RAI1: variants seen among roughly 807,000 people sequenced by gnomAD.
RAI1 encodes the protein retinoic acid induced 1, also known as retinoic acid-induced protein 1.
In RAI1, 9 loss-of-function variants were observed where a neutral mutation model predicts 123.8. The observed-to-expected ratio is 0.07, with a 90% CI of 0.04 to 0.13. The LOEUF (loss-of-function observed/expected upper bound fraction) is 0.13. Ranked by LOEUF, RAI1 falls within the 10% of genes least tolerant of loss-of-function variation. RAI1 has a pLI of 1.00. For synonymous variants in RAI1, 1,231 were observed against 1,127.3 expected (o/e 1.09, Z -1.84); for missense variants, 2,256 against 2,545.8 (o/e 0.89, Z 2.45).
At chr17:17,720,076 CAGTG>C (rs1915830895) in intron 1 of RAI1, among the ~76,000 whole-genome samples, 1 of 152,158 alleles carries the variant, frequency 6.6e-6, no homozygotes, top group Non-Finnish European at 1.5e-5. Flanking sequence ...GGTGGCCTGT[CAGTG>C]AGCCTTGTCC....
In RAI1 at chr17:17,686,157, C is replaced by T. The variant is rs755641430; in HGVS notation, c.-149+4364C>T. ...CAAGGGCGAGGCCTAGAACACAGGA[C>T]GCTCAGAAATGCTTCCTGGCAGGAG... On this transcript the variant is annotated intron_variant, in intron 1 of 5. Coordinates refer to ENST00000353383, the MANE Select transcript of RAI1 (RefSeq NM_030665.4). Among the ~76,000 whole-genome samples, 14 of 152,354 alleles carry T rather than the reference C, an allele frequency of 9.2e-5. 1 individual carries two copies. The highest frequency in any genetic ancestry group is 2.0e-4 in the Admixed American group (3 of 15,304).
rs752235142 is a variant in RAI1 at position 17,801,942 on chromosome 17, C to T, written c.5566-1814C>T. On this transcript the variant is annotated intron_variant, in intron 3 of 5. Transcript: ENST00000353383. The surrounding 1 kb of genome is among the most constrained non-coding windows in gnomAD (Gnocchi z 4.1). ...GCATGAGGCTTCCAGCCATGCCTGG[C>T]ACATAGGAAGCTATTGTCGTTTGTT... is the stretch of plus-strand genomic sequence containing the variant. 162 of 403,936 alleles carry T rather than the reference C, an allele frequency of 4.0e-4. No homozygotes were observed. Among genetic ancestry groups the T allele is most frequent in the Non-Finnish European group, 7.3e-4 (146 of 199,274 alleles). The allele number at this position is 403,936 out of a possible 1,614,324, so 25.0% of individuals were successfully genotyped here. A position where few individuals can be genotyped will look rare whatever the true frequency, so the allele number is the denominator to read the frequency against.
chr17:17,810,630 G>T lies in RAI1; in HGVS notation c.*649G>T, dbSNP rs1384263130. The T allele has an allele frequency of 9.0e-6, 3 of 331,942 alleles. No individual in the cohort carries two copies. The highest frequency in any genetic ancestry group is 6.5e-5 in the South Asian group (3 of 46,190). The allele number at this position is 331,942 out of a possible 1,614,324, so 20.6% of individuals were successfully genotyped here. A position where few individuals can be genotyped will look rare whatever the true frequency, so the allele number is the denominator to read the frequency against. Reference sequence around the variant, plus strand: ...TTGCCAGATCTCTCGTGCGGTTCGGGCAAAGCCGGGGTAGACCTGGGCTAT... The same window carrying T: ...TTGCCAGATCTCTCGTGCGGTTCGGTCAAAGCCGGGGTAGACCTGGGCTAT... On this transcript the variant is annotated 3_prime_UTR_variant, in exon 6 of 6. Transcript: ENST00000353383. This position sits in a 1 kb window ranked among gnomAD's most constrained non-coding sequence, Gnocchi z 4.6.
At chr17:17,740,418 C>A (rs1320185930) in intron 2 of RAI1, among the ~76,000 whole-genome samples, 1 of 152,246 alleles carries the variant, frequency 6.6e-6, no homozygotes, top group Non-Finnish European at 1.5e-5. Context: ...TGGGGGTCAC[C>A]CATCTCTTCT....
intron 1 of RAI1, among the ~76,000 whole-genome samples, chr17:17,722,152 AGTG>A (rs1461377844): frequency 2.0e-5 from 3 of 152,240 alleles, no homozygotes; most frequent in Non-Finnish European, 4.4e-5. Flanking sequence ...AGCGGGAGAA[AGTG>A]GTGGGACGAG....
At chr17:17,775,648 T>C (rs1244952164) in intron 2 of RAI1, among the ~76,000 whole-genome samples, 1 of 152,172 alleles carries the variant, frequency 6.6e-6, no homozygotes, top group Non-Finnish European at 1.5e-5. Context: ...ATCTATTTAC[T>C]AGTCATGAAG....
chr17:17,809,854 C>T lies in RAI1; in HGVS notation c.5710-116C>T. The T allele has an allele frequency of 1.4e-6, 2 of 1,437,472 alleles. No individual in the cohort carries two copies. Among genetic ancestry groups the T allele is most frequent in the Non-Finnish European group, 1.9e-6 (2 of 1,050,000 alleles). The allele number at this position is 1,437,472 out of a possible 1,614,324, so 89.0% of individuals were successfully genotyped here. A position where few individuals can be genotyped will look rare whatever the true frequency, so the allele number is the denominator to read the frequency against. ...GACGGCCTCGGGCGGAGACCCCAGC[C>T]GCGCTCTGGGGTCGCCTGGGTCTGG... On this transcript the variant is annotated intron_variant, in intron 5 of 5. Transcript: ENST00000353383. This position sits in a 1 kb window ranked among gnomAD's most constrained non-coding sequence, Gnocchi z 4.9.
chr17:17,682,098 A>T (rs1598007061), intron 1 of RAI1, among the ~76,000 whole-genome samples: 1 of 115,848 alleles, frequency 8.6e-6, no homozygotes, highest in Non-Finnish European at 1.7e-5. Context: ...GCGAGGGGCG[A>T]GTGTGGCAAG....
Position 17,809,863 on chromosome 17 carries a change from G to A in RAI1, c.5710-107G>A. On this transcript the variant is annotated intron_variant, in intron 5 of 5. Coordinates refer to ENST00000353383, the MANE Select transcript of RAI1 (RefSeq NM_030665.4). The surrounding 1 kb of genome is among the most constrained non-coding windows in gnomAD (Gnocchi z 4.9). ...GGGCGGAGACCCCAGCCGCGCTCTG[G>A]GGTCGCCTGGGTCTGGGGCTTAGGC... 6.7e-7 allele frequency: 1 copy of A among 1,501,758 alleles called. No homozygotes were observed. Among genetic ancestry groups the A allele is most frequent in the Non-Finnish European group, 9.0e-7 (1 of 1,106,730 alleles). 93.0% of individuals were successfully genotyped at this position (1,501,758 alleles called of 1,614,324 possible). A position where few individuals can be genotyped will look rare whatever the true frequency, so the allele number is the denominator to read the frequency against.
At chr17:17,706,314 G>A (rs1476874939) in intron 1 of RAI1, among the ~76,000 whole-genome samples, 4 of 152,320 alleles carry the variant, frequency 2.6e-5, no homozygotes, top group Admixed American at 1.3e-4. Flanking sequence ...GGATGGGACC[G>A]TGTAGTGGCC....
rs2032414036 is a variant in RAI1, at chr17:17,800,224, C to CTCTCTCTCTCTG, written c.5565+1715_5565+1716insTCTCTCTGTCTC. On this transcript the variant is annotated intron_variant, in intron 3 of 5. Transcript: ENST00000353383. The surrounding 1 kb of genome is among the most constrained non-coding windows in gnomAD (Gnocchi z 4.7). ...TCTCTCTCTCTCTCTCTCTCTCTCT[C>CTCTCTCTCTCTG]TCTCATTACTGGCTCCTTCCCAGCG... is the stretch of plus-strand genomic sequence containing the variant. Among the ~76,000 whole-genome samples the CTCTCTCTCTCTG allele has an allele frequency of 7.4e-6, 1 of 134,724 alleles. No individual in the cohort carries two copies. The highest frequency in any genetic ancestry group is 2.8e-5 in the African/African-American group (1 of 35,564). 88.4% of individuals were successfully genotyped at this position (134,724 alleles called of 152,430 possible).
chr17:17,695,554 T>C, intron 1 of RAI1, among the ~76,000 whole-genome samples: 1 of 148,984 alleles, frequency 6.7e-6, no homozygotes, highest in Non-Finnish European at 1.5e-5. Flanking sequence ...TGAGCTAGAG[T>C]CTCCCTTTGT....
intron 2 of RAI1, among the ~76,000 whole-genome samples, chr17:17,783,304 C>T (rs1246586296): frequency 6.6e-6 from 1 of 151,898 alleles, no homozygotes; most frequent in East Asian, 2.0e-4. Context: ...GCCGGCAGAG[C>T]CCGAGGTTGC....
In RAI1 at chr17:17,796,842, C is replaced by T. The variant is rs367918995; in HGVS notation, c.3894C>T (p.Pro1298=). ...CAAAGCTCCCACCCCCGGAGACCCC[C>T]GATGCCTGCCTCAAGCTCGCCTCTC... The part of the protein sequence containing the change: ...PATKLPPPET[P]DACLKLASRA... The change falls in exon 3 of 6, where the codon CCC becomes CCT. Residue 1298 remains proline (P), a synonymous_variant. Coordinates refer to ENST00000353383, the MANE Select transcript of RAI1 (RefSeq NM_030665.4). This position sits in a 1 kb window ranked among gnomAD's most constrained non-coding sequence, Gnocchi z 5.8. 1.2e-5 allele frequency: 20 copies of T among 1,612,304 alleles called. No homozygotes were observed. The highest frequency in any genetic ancestry group is 3.3e-4 in the Middle Eastern group (2 of 6,058).
intron 1 of RAI1, among the ~76,000 whole-genome samples, chr17:17,704,770 G>A (rs1228233978): frequency 6.6e-6 from 1 of 151,422 alleles, no homozygotes; most frequent in Non-Finnish European, 1.5e-5. Context: ...ATTGGTGGTG[G>A]TGTTTGAGAT....
At chr17:17,792,669 C>G (rs2032059872) in intron 2 of RAI1, among the ~76,000 whole-genome samples, 1 of 151,910 alleles carries the variant, frequency 6.6e-6, no homozygotes, top group Non-Finnish European at 1.5e-5. Flanking sequence ...GACTCAGCTG[C>G]AGGCGATGTG....
intron 1 of RAI1, among the ~76,000 whole-genome samples, chr17:17,722,823 G>GC (rs1382856342): frequency 6.8e-6 from 1 of 147,048 alleles, no homozygotes; most frequent in Non-Finnish European, 1.5e-5. Flanking sequence ...CGCGATGAAG[G>GC]CCCCCCTCTT....
Position 17,746,381 on chromosome 17 carries a change from G to A in RAI1, c.-17+22222G>A, listed in dbSNP as rs143776657. ...TTCAGTCCTCTTTCAGAGCGAGGCA[G>A]GCAGCGGACTGGGTCGGTCTGGCTC... On this transcript the variant is annotated intron_variant, in intron 2 of 5. Coordinates refer to ENST00000353383, the MANE Select transcript of RAI1 (RefSeq NM_030665.4). 4.5e-4 allele frequency among the ~76,000 whole-genome samples: 69 copies of A among 152,334 alleles called. No homozygotes were observed. In the East Asian group the frequency reaches 0.013, roughly 28 times the overall value.
chr17:17,761,749 G>A (rs2030706201), intron 2 of RAI1, among the ~76,000 whole-genome samples: 1 of 152,120 alleles, frequency 6.6e-6, no homozygotes, highest in African/African-American at 2.4e-5. Flanking sequence ...GGAGGTGGGT[G>A]GGAATCCCCT....
Sources: gnomAD v4.1 joint callset for allele counts (sites outside exome capture counted in the v4.1 genomes callset) on GRCh38, gnomAD v4.1.1 for gene constraint, Gnocchi (gnomAD v3.1) non-coding constraint, MANE v1.5 for transcripts, NCBI Gene and HGNC (gene_info 2026-07-23, HGNC 2026-07-21) for gene names.